PRKCE: variants seen among roughly 807,000 people sequenced by gnomAD.
PRKCE encodes the protein protein kinase C epsilon, also known as protein kinase C epsilon type.
PRKCE carries 16 observed loss-of-function variants against 85.4 expected under a neutral mutation model. The ratio of observed to expected loss-of-function variants is 0.19; its 90% CI spans 0.13 to 0.28. The LOEUF is 0.28. Among genes scored for constraint, PRKCE ranks in the 10% least tolerant of loss-of-function variants. PRKCE has a pLI of 1.00. For synonymous variants in PRKCE, 388 were observed against 371.5 expected (o/e 1.04, Z -0.51); for missense variants, 573 against 975.2 (o/e 0.59, Z 5.49).
At chr2:46,022,545 C>T (rs2104886001) in intron 10 of PRKCE, among the ~76,000 whole-genome samples, 1 of 152,350 alleles carries the variant, frequency 6.6e-6, no homozygotes, top group East Asian at 1.9e-4. Context: ...ATGGGCTTCA[C>T]CCATGTAACC....
In PRKCE at chr2:46,000,469, A is replaced by C. The variant is rs1704584228; in HGVS notation, c.824-935A>C. On this transcript the variant is annotated intron_variant, in intron 6 of 14. Coordinates refer to ENST00000306156, the MANE Select transcript of PRKCE (RefSeq NM_005400.3). ...CCTCAATCTCTGATAAAAAAAAAAA[A>C]CAACCCTCAACCTCTGATAAAATAG... is the stretch of plus-strand genomic sequence containing the variant. Among the ~76,000 whole-genome samples the C allele has an allele frequency of 2.0e-5, 3 of 149,700 alleles. No individual in the cohort carries two copies. The South Asian group carries it at 6.4e-4, about 32-fold the overall frequency.
At chr2:45,952,964 C>T (rs185573159) in intron 2 of PRKCE, among the ~76,000 whole-genome samples, 1 of 152,278 alleles carries the variant, frequency 6.6e-6, no homozygotes, top group Admixed American at 6.5e-5. Context: ...CTGAGTTCAC[C>T]CTGACATCTC....
intron 2 of PRKCE, among the ~76,000 whole-genome samples, chr2:45,972,076 C>T (rs114420598): frequency 1.3e-5 from 2 of 152,328 alleles, no homozygotes; most frequent in South Asian, 4.1e-4. Flanking sequence ...TTTACATTCC[C>T]ATGAACAGTG....
At chr2:45,921,686 AC>A (rs1698261105) in intron 2 of PRKCE, among the ~76,000 whole-genome samples, 1 of 152,156 alleles carries the variant, frequency 6.6e-6, no homozygotes, top group South Asian at 2.1e-4. Context: ...GTTCTGATCT[AC>A]CATGAGTTTT....
At chr2:46,074,511 A>G (rs1199227600) in intron 10 of PRKCE, among the ~76,000 whole-genome samples, 1 of 152,058 alleles carries the variant, frequency 6.6e-6, no homozygotes, top group Non-Finnish European at 1.5e-5. Context: ...AGCCACAATG[A>G]AATGGTTCAA....
At chr2:45,857,578 T>A (rs556390560) in intron 2 of PRKCE, among the ~76,000 whole-genome samples, 1 of 152,252 alleles carries the variant, frequency 6.6e-6, no homozygotes, top group African/African-American at 2.4e-5. Flanking sequence ...TTGATTGGTT[T>A]GTTTATTTAT....
chr2:45,743,842 G>T (rs1682790206), intron 1 of PRKCE, among the ~76,000 whole-genome samples: 1 of 152,068 alleles, frequency 6.6e-6, no homozygotes, highest in African/African-American at 2.4e-5. Context: ...TTGGCTCTTG[G>T]GCCCTAGAAA....
chr2:45,687,747 A>G (rs1677410138), intron 1 of PRKCE, among the ~76,000 whole-genome samples: 1 of 152,258 alleles, frequency 6.6e-6, no homozygotes, highest in South Asian at 2.1e-4. Flanking sequence ...AGGCTGCTAG[A>G]AAGAAGAAAG....
intron 1 of PRKCE, among the ~76,000 whole-genome samples, chr2:45,824,995 G>A (rs902920798): frequency 5.3e-5 from 8 of 152,218 alleles, no homozygotes; most frequent in Admixed American, 4.6e-4. Context: ...AGGTTCTGCT[G>A]AACGTGGGTT....
intron 1 of PRKCE, among the ~76,000 whole-genome samples, chr2:45,735,537 C>G (rs1031462610): frequency 1.3e-4 from 20 of 152,226 alleles, no homozygotes; most frequent in Admixed American, 8.5e-4. Context: ...TAGCATTCAC[C>G]TCATAGCATT....
chr2:45,935,362 C>G (rs1480000082), intron 2 of PRKCE, among the ~76,000 whole-genome samples: 1 of 152,234 alleles, frequency 6.6e-6, no homozygotes, highest in Non-Finnish European at 1.5e-5. Context: ...ACCCCCTCCT[C>G]TCAGAGCCGG....
At chr2:45,770,459 C>T (rs1428503346) in intron 1 of PRKCE, among the ~76,000 whole-genome samples, 1 of 152,100 alleles carries the variant, frequency 6.6e-6, no homozygotes, top group Non-Finnish European at 1.5e-5. Context: ...TATATGGCGT[C>T]CCTTCGGCCA....
At chr2:45,924,361 G>A (rs894858074) in intron 2 of PRKCE, among the ~76,000 whole-genome samples, 3 of 152,222 alleles carry the variant, frequency 2.0e-5, no homozygotes, top group African/African-American at 7.2e-5. Context: ...GGGTAGACCA[G>A]TTGTTTTTGA....
intron 11 of PRKCE, among the ~76,000 whole-genome samples, chr2:46,118,178 A>G (rs752501904): frequency 6.6e-6 from 1 of 152,272 alleles, no homozygotes; most frequent in South Asian, 2.1e-4. Context: ...GGAATTATCA[A>G]CTGGAGAGAC....
chr2:45,707,323 A>C (rs1248999713), intron 1 of PRKCE, among the ~76,000 whole-genome samples: 4 of 152,218 alleles, frequency 2.6e-5, no homozygotes, highest in Non-Finnish European at 5.9e-5. Context: ...CCAAGATTGT[A>C]ATTGTTACCA....
chr2:45,686,829 A>G (rs1677335226), intron 1 of PRKCE, among the ~76,000 whole-genome samples: 1 of 152,220 alleles, frequency 6.6e-6, no homozygotes, highest in Non-Finnish European at 1.5e-5. Flanking sequence ...AGACACCAAT[A>G]TAGAATGAAA....
chr2:45,973,131 C>A (rs781054693), intron 2 of PRKCE, among the ~76,000 whole-genome samples: 1 of 152,162 alleles, frequency 6.6e-6, no homozygotes, highest in African/African-American at 2.4e-5. Context: ...TTGGAAGAGA[C>A]CTTTCATAGC....
intron 10 of PRKCE, among the ~76,000 whole-genome samples, chr2:46,023,210 G>A (rs181224280): frequency 1.1e-3 from 169 of 151,978 alleles, no homozygotes; most frequent in African/African-American, 3.6e-3. Context: ...AACTGTTTGT[G>A]AAACAGAATT....
At chr2:46,065,904 C>T (rs1667585760) in intron 10 of PRKCE, among the ~76,000 whole-genome samples, 1 of 152,216 alleles carries the variant, frequency 6.6e-6, no homozygotes, top group Admixed American at 6.5e-5. Context: ...CTAACCCACT[C>T]TTGCCTCTTG....
Sources: allele counts gnomAD v4.1 joint callset (sites outside exome capture counted in the v4.1 genomes callset), GRCh38; gene constraint gnomAD v4.1.1; transcripts MANE v1.5; gene names NCBI Gene and HGNC (gene_info 2026-07-23, HGNC 2026-07-21).